The following SLCO4A1 variants were observed in gnomAD, a reference collection of about 807,000 sequenced individuals.
The protein encoded by SLCO4A1 is solute carrier organic anion transporter family member 4A1, also known as colon organic anion transporter.
A neutral mutation model predicts 64.6 loss-of-function variants in SLCO4A1; 51 were observed. The ratio of observed to expected loss-of-function variants is 0.79; its 90% CI spans 0.63 to 1.00. The LOEUF is 1.00. Among genes scored for constraint, SLCO4A1 ranks in the 50% least tolerant of loss-of-function variants. The pLI, the probability that SLCO4A1 is intolerant of heterozygous loss-of-function variation, is 0.00. For missense variants in SLCO4A1, 919 were observed against 980.5 expected, an observed-to-expected ratio of 0.94 and a Z score of 0.84; for synonymous variants, 471 against 444.9, an observed-to-expected ratio of 1.06 and a Z score of -0.74.
chr20:62,672,357 G>A, downstream of SLCO4A1: 1 of 927,742 alleles, frequency 1.1e-6, no homozygotes, highest in Admixed American at 5.5e-5. Flanking sequence ...GCCATCCTTG[G>A]CCCACGTCCT....
intron 11 of SLCO4A1, chr20:62,669,820 G>A (rs1050244031): frequency 6.6e-6 from 1 of 152,162 alleles, no homozygotes; most frequent in Non-Finnish European, 1.5e-5. Context: ...AGCCCAGCTG[G>A]TTCACCTCCC....
At position 62,659,040 on chromosome 20, in the gene SLCO4A1, G is replaced by C. The variant is rs1984291480; in HGVS notation, c.887+273G>C. Among the ~76,000 whole-genome samples the C allele has an allele frequency of 2.0e-5, 3 of 152,250 alleles. No individual in the cohort carries two copies. The South Asian group carries it at 6.2e-4, about 31-fold the overall frequency. ...AAAGCCCAGCGAGCCCTGGCCACTA[G>C]TTCCCTAATGAAACTGAGATTTTTC... On this transcript the variant is annotated intron_variant, in intron 3 of 11. Coordinates refer to ENST00000217159, the MANE Select transcript of SLCO4A1 (RefSeq NM_016354.4).
Position 62,660,520 on chromosome 20 carries a change from T to A in SLCO4A1, c.996T>A (p.Pro332=), listed in dbSNP as rs376479390. 1.2e-6 allele frequency: 2 copies of A among 1,605,312 alleles called. No homozygotes were observed. Residue 332 remains proline (P), a synonymous_variant, in exon 4 of 12, where the codon CCT becomes CCA. Transcript: ENST00000217159. ...CCGCCGTTCCCATCCTTGGTTACCC[T>A]CGGCAGCTGCCAGGTGGGTTTCCCT... ...FFTAVPILGY[P]RQLPGSQRYA...
intron 2 of SLCO4A1, among the ~76,000 whole-genome samples, chr20:62,678,367 C>G (rs1238991391): frequency 6.6e-6 from 1 of 152,134 alleles, no homozygotes; most frequent in African/African-American, 2.4e-5. Flanking sequence ...ACTCACCCGT[C>G]GCCGGTAGAC....
At chr20:62,681,500 A>ACACTCG in intron 2 of SLCO4A1, among the ~76,000 whole-genome samples, 1 of 130,636 alleles carries the variant, frequency 7.7e-6, no homozygotes, top group African/African-American at 2.9e-5. Flanking sequence ...GTACACACTC[A>ACACTCG]TGTGTGCGCG....
At position 62,661,212 on chromosome 20, in the gene SLCO4A1, A is replaced by G; in HGVS notation, c.1121+37A>G. 1 of 1,441,212 alleles carries G rather than the reference A, an allele frequency of 6.9e-7. No individual in the cohort carries two copies. The highest frequency in any genetic ancestry group is 9.8e-7 in the Non-Finnish European group (1 of 1,023,700). The allele number at this position is 1,441,212 out of a possible 1,614,324, so 89.3% of individuals were successfully genotyped here. On this transcript the variant is annotated intron_variant, in intron 5 of 11. Coordinates refer to ENST00000217159, the MANE Select transcript of SLCO4A1 (RefSeq NM_016354.4). This position sits in a 1 kb window ranked among gnomAD's most constrained non-coding sequence, Gnocchi z 5.2. ...AGTCGGGAGGGTTCCTAGTGTCCTC[A>G]GACCCTTTAATGGTCCCCATCTTGG...
intron 1 of SLCO4A1, among the ~76,000 whole-genome samples, chr20:62,648,473 T>C (rs960492266): frequency 1.5e-4 from 22 of 151,346 alleles, no homozygotes; most frequent in African/African-American, 5.4e-4. Context: ...ATGGGCAGGC[T>C]CTGCTTCCAG....
rs931215093 is a variant in SLCO4A1 at position 62,644,206 on chromosome 20, G to A, written c.-97+1653G>A. Reference sequence around the variant, plus strand: ...CAGCCCGACTTCCCTCTGTGCTGCTGGAGGGAGCCAGGGCAGAGGCCGGCC... The same window carrying A: ...CAGCCCGACTTCCCTCTGTGCTGCTAGAGGGAGCCAGGGCAGAGGCCGGCC... On this transcript the variant is annotated intron_variant, in intron 1 of 11. Transcript: ENST00000217159. This position sits in a 1 kb window ranked among gnomAD's most constrained non-coding sequence, Gnocchi z 5.4. 1.3e-5 allele frequency among the ~76,000 whole-genome samples: 2 copies of A among 152,246 alleles called. No individual in the cohort carries two copies. The highest frequency in any genetic ancestry group is 4.8e-5 in the African/African-American group (2 of 41,466).
In SLCO4A1 at chr20:62,667,873, G is replaced by C. The variant is rs748354339; in HGVS notation, c.1601G>C (p.Cys534Ser). The change falls in exon 8 of 12, where the codon TGC becomes TCC. Residue 534 changes from cysteine to serine, a missense_variant. By Grantham distance (112) the Cys-to-Ser change is moderately radical (BLOSUM62 -1). Coordinates refer to ENST00000217159, the MANE Select transcript of SLCO4A1 (RefSeq NM_016354.4). ...LMYFSLCHAG[C>S]PAATETNVDG... ...TACTTCTCACTGTGCCACGCAGGGTGCCCTGCAGCCACGGAGACGAATGTG... is the reference window on the plus strand; with the variant it reads ...TACTTCTCACTGTGCCACGCAGGGTCCCCTGCAGCCACGGAGACGAATGTG... The C allele has an allele frequency of 6.2e-7, 1 of 1,613,872 alleles. No homozygotes were observed. Among genetic ancestry groups the C allele is most frequent in the South Asian group, 1.1e-5 (1 of 91,090 alleles).
intron 1 of SLCO4A1, among the ~76,000 whole-genome samples, chr20:62,646,002 A>G (rs1443200823): frequency 2.0e-5 from 3 of 151,670 alleles, no homozygotes; most frequent in Non-Finnish European, 2.9e-5. Flanking sequence ...TGTGGACCTG[A>G]GATTTGGACC....
Position 62,666,553 on chromosome 20 carries a change from G to A in SLCO4A1, c.1450G>A (p.Val484Ile), listed in dbSNP as rs377617767. 83 of 1,612,564 alleles carry A rather than the reference G, an allele frequency of 5.1e-5. No homozygotes were observed. Among genetic ancestry groups the A allele is most frequent in the Non-Finnish European group, 6.4e-5 (76 of 1,179,916 alleles). ...CTGCCCCAGTGTGCCCATGGCGGGC[G>A]TCACAGCCAGCTACGGCGGGAGGTG... Reference protein sequence around the residue: ...LHCPSVPMAGVTASYGGSLLP... With the variant: ...LHCPSVPMAGITASYGGSLLP... Residue 484 changes from valine to isoleucine, a missense_variant, in exon 7 of 12, where the codon GTC (valine) becomes ATC (isoleucine). Physicochemically the swap from Val to Ile is conservative, Grantham distance 29 (BLOSUM62 3). Transcript: ENST00000217159.
At chr20:62,682,129 C>G (rs777618027) in intron 2 of SLCO4A1, among the ~76,000 whole-genome samples, 2 of 152,206 alleles carry the variant, frequency 1.3e-5, no homozygotes, top group Admixed American at 1.3e-4. Flanking sequence ...GGGGAGCCGA[C>G]GGTGTGGTCT....
downstream of SLCO4A1, among the ~76,000 whole-genome samples, chr20:62,690,271 CG>C (rs2082226224): frequency 6.6e-6 from 1 of 152,172 alleles, no homozygotes. Flanking sequence ...TCTGGGTGTC[CG>C]ACGTCTCATC....
intron 2 of SLCO4A1, among the ~76,000 whole-genome samples, chr20:62,678,951 G>A (rs982954708): frequency 1.3e-5 from 2 of 152,208 alleles, no homozygotes; most frequent in African/African-American, 4.8e-5. Flanking sequence ...GGGCAAGGTG[G>A]CTCGCGCCTA....
chr20:62,675,409 C>T (rs578082717), downstream of SLCO4A1, among the ~76,000 whole-genome samples: 142 of 152,272 alleles, frequency 9.3e-4, no homozygotes, highest in African/African-American at 3.4e-3. Context: ...CCAAGAGCTG[C>T]GGGGTCTCTG....
At chr20:62,654,087 C>G (rs2147072089) in intron 1 of SLCO4A1, among the ~76,000 whole-genome samples, 1 of 152,232 alleles carries the variant, frequency 6.6e-6, no homozygotes, top group East Asian at 1.9e-4. Flanking sequence ...GCCAGGAACC[C>G]AAAGTCCACA....
chr20:62,689,224 G>T (rs116637003), downstream of SLCO4A1, among the ~76,000 whole-genome samples: 1 of 150,374 alleles, frequency 6.7e-6, no homozygotes, highest in East Asian at 1.9e-4. Context: ...GCTGTGCCCC[G>T]TGCCTCGCAG....
intron 2 of SLCO4A1, among the ~76,000 whole-genome samples, chr20:62,678,169 C>T (rs920469779): frequency 1.3e-5 from 2 of 152,180 alleles, no homozygotes; most frequent in African/African-American, 2.4e-5. Context: ...CCTGGGCGAG[C>T]GGCGACTCCA....
chr20:62,654,053 A>T (rs1295290822), intron 1 of SLCO4A1, among the ~76,000 whole-genome samples: 1 of 152,036 alleles, frequency 6.6e-6, no homozygotes, highest in African/African-American at 2.4e-5. Flanking sequence ...AAAAAAAAAT[A>T]GTTTATTCCC....
Sources: gnomAD v4.1 joint callset for allele counts (sites outside exome capture counted in the v4.1 genomes callset) on GRCh38, gnomAD v4.1.1 for gene constraint, Gnocchi (gnomAD v3.1) non-coding constraint, MANE v1.5 for transcripts, NCBI Gene and HGNC (gene_info 2026-07-23, HGNC 2026-07-21) for gene names.